The following HS6ST3 variants were observed in gnomAD, a reference collection of about 807,000 sequenced individuals.
HS6ST3 encodes the protein heparan sulfate 6-O-sulfotransferase 3.
In HS6ST3, 12 loss-of-function variants were observed where a neutral mutation model predicts 36.7. The observed-to-expected ratio is 0.33, with a 90% CI of 0.21 to 0.53. The LOEUF (loss-of-function observed/expected upper bound fraction) is 0.53. Ranked by LOEUF, HS6ST3 falls within the 20% of genes least tolerant of loss-of-function variation. HS6ST3 has a pLI of 0.95. For synonymous variants in HS6ST3, 240 were observed against 257.5 expected (o/e 0.93, Z 0.65); for missense variants, 584 against 640.9 (o/e 0.91, Z 0.96).
At chr13:96,348,174 T>C (rs2055164873) in intron 1 of HS6ST3, among the ~76,000 whole-genome samples, 1 of 152,254 alleles carries the variant, frequency 6.6e-6, no homozygotes, top group Admixed American at 6.5e-5. Flanking sequence ...CTTTCTTTTC[T>C]GCATATTAAA....
intron 1 of HS6ST3, among the ~76,000 whole-genome samples, chr13:96,560,587 C>A (rs906153424): frequency 6.6e-6 from 1 of 152,170 alleles, no homozygotes; most frequent in Non-Finnish European, 1.5e-5. Flanking sequence ...GTCAAACTAT[C>A]TCTCTTCACT....
At chr13:96,630,823 T>C (rs1396863571) in intron 1 of HS6ST3, among the ~76,000 whole-genome samples, 3 of 152,198 alleles carry the variant, frequency 2.0e-5, no homozygotes, top group African/African-American at 7.2e-5. Flanking sequence ...TTTTAAATTA[T>C]TACAGTTTTT....
intron 1 of HS6ST3, among the ~76,000 whole-genome samples, chr13:96,445,747 C>T (rs2055694868): frequency 1.3e-5 from 2 of 151,584 alleles, no homozygotes; most frequent in Non-Finnish European, 2.9e-5. Context: ...ATGTGCCTGT[C>T]ATTCCAGCAA....
At chr13:96,402,614 A>T (rs955135074) in intron 1 of HS6ST3, among the ~76,000 whole-genome samples, 4 of 152,186 alleles carry the variant, frequency 2.6e-5, no homozygotes, top group African/African-American at 9.7e-5. Context: ...TTTCTTATTT[A>T]TATCACCAAA....
At chr13:96,666,008 C>T (rs1481190757) in intron 1 of HS6ST3, among the ~76,000 whole-genome samples, 1 of 151,954 alleles carries the variant, frequency 6.6e-6, no homozygotes, top group Non-Finnish European at 1.5e-5. Flanking sequence ...TCTCATGGTG[C>T]TAATAAAGAC....
chr13:96,393,454 A>G (rs533346489), intron 1 of HS6ST3, among the ~76,000 whole-genome samples: 1 of 152,212 alleles, frequency 6.6e-6, no homozygotes, highest in East Asian at 1.9e-4. Flanking sequence ...CTTTCATTTT[A>G]TAACCTGAAT....
Position 96,833,099 on chromosome 13 carries a change from G to A in HS6ST3, c.1317G>A (p.Arg439=). 6.2e-7 allele frequency: 1 copy of A among 1,607,280 alleles called. No homozygotes were observed. The part of the protein sequence containing the change: ...RDRQKRREER[R]LQREHRDHQW... ...GCCAGAAGCGGCGGGAGGAGCGGAG[G>A]CTGCAGCGAGAGCACAGGGACCACC... The change falls in exon 2 of 2, where the codon AGG becomes AGA. Residue 439 remains arginine (R), a synonymous_variant. Coordinates refer to ENST00000376705, the MANE Select transcript of HS6ST3 (RefSeq NM_153456.4).
chr13:96,647,000 G>A (rs761824759), intron 1 of HS6ST3, among the ~76,000 whole-genome samples: 1 of 151,936 alleles, frequency 6.6e-6, no homozygotes, highest in Non-Finnish European at 1.5e-5. Flanking sequence ...GCTAGGACTA[G>A]CTGAGCTTCC....
At chr13:96,379,701 C>T (rs549901673) in intron 1 of HS6ST3, among the ~76,000 whole-genome samples, 27 of 152,302 alleles carry the variant, frequency 1.8e-4, no homozygotes, top group African/African-American at 6.5e-4. Flanking sequence ...CATTCTGAAT[C>T]TACTGGTTAT....
intron 1 of HS6ST3, among the ~76,000 whole-genome samples, chr13:96,197,707 G>A (rs1369928851): frequency 6.6e-6 from 1 of 152,118 alleles, no homozygotes; most frequent in Non-Finnish European, 1.5e-5. Flanking sequence ...GGAGAAATTG[G>A]CCAAAACAAA....
intron 1 of HS6ST3, among the ~76,000 whole-genome samples, chr13:96,297,203 C>T (rs2054859358): frequency 6.6e-6 from 1 of 151,912 alleles, no homozygotes; most frequent in African/African-American, 2.4e-5. Context: ...TGAAGTATTT[C>T]TAATAAATAC....
intron 1 of HS6ST3, among the ~76,000 whole-genome samples, chr13:96,426,301 A>G (rs1055289663): frequency 1.3e-5 from 2 of 152,124 alleles, no homozygotes; most frequent in Non-Finnish European, 2.9e-5. Context: ...CGTAAAGCCT[A>G]TAATTAGGAG....
chr13:96,194,531 A>T (rs1294737396), intron 1 of HS6ST3, among the ~76,000 whole-genome samples: 2 of 152,160 alleles, frequency 1.3e-5, no homozygotes, highest in Non-Finnish European at 2.9e-5. Context: ...TGATATCTTG[A>T]TATACATCTA....
intron 1 of HS6ST3, among the ~76,000 whole-genome samples, chr13:96,626,233 C>T (rs1220289280): frequency 2.0e-5 from 3 of 152,136 alleles, no homozygotes; most frequent in African/African-American, 4.8e-5. Context: ...ACATATATTT[C>T]TATGCTACAG....
chr13:96,281,994 C>G (rs2054778213), intron 1 of HS6ST3, among the ~76,000 whole-genome samples: 1 of 152,178 alleles, frequency 6.6e-6, no homozygotes, highest in African/African-American at 2.4e-5. Context: ...AAGTTCTGTA[C>G]TTATGTGAAT....
chr13:96,513,307 A>T (rs2056058442), intron 1 of HS6ST3, among the ~76,000 whole-genome samples: 1 of 150,394 alleles, frequency 6.6e-6, no homozygotes, highest in Non-Finnish European at 1.5e-5. Context: ...TCCAGCCTTT[A>T]TTTTAGAAAA....
chr13:96,832,980 C>A lies in HS6ST3; in HGVS notation c.1198C>A (p.Leu400Ile). 6.2e-7 allele frequency: 1 copy of A among 1,614,118 alleles called. No individual in the cohort carries two copies. Among genetic ancestry groups the A allele is most frequent in the South Asian group, 1.1e-5 (1 of 91,076 alleles). Residue 400 changes from leucine to isoleucine, a missense_variant, in exon 2 of 2, where the codon CTA (leucine) becomes ATA (isoleucine). Coordinates refer to ENST00000376705, the MANE Select transcript of HS6ST3 (RefSeq NM_153456.4). ...NEGARQRIED[L>I]NFLDMQLYEY... ...GGGTGCCCGCCAACGCATTGAGGATCTAAACTTCCTGGACATGCAGCTTTA... is the reference window on the plus strand; with the variant it reads ...GGGTGCCCGCCAACGCATTGAGGATATAAACTTCCTGGACATGCAGCTTTA...
intron 1 of HS6ST3, among the ~76,000 whole-genome samples, chr13:96,598,657 TC>T (rs902457139): frequency 6.6e-6 from 1 of 152,082 alleles, no homozygotes; most frequent in Non-Finnish European, 1.5e-5. Context: ...AATTTGGATG[TC>T]CTTTATTTCT....
At chr13:96,469,531 C>T (rs2055830635) in intron 1 of HS6ST3, among the ~76,000 whole-genome samples, 1 of 152,052 alleles carries the variant, frequency 6.6e-6, no homozygotes, top group Admixed American at 6.6e-5. Context: ...TAGTAATTAA[C>T]CATAAAAAGA....
Sources: allele counts gnomAD v4.1 joint callset (sites outside exome capture counted in the v4.1 genomes callset), GRCh38; gene constraint gnomAD v4.1.1; transcripts MANE v1.5; gene names NCBI Gene and HGNC (gene_info 2026-07-23, HGNC 2026-07-21).